The following DDX50 variants were observed in gnomAD, a reference collection of about 807,000 sequenced individuals.
The protein encoded by DDX50 is DExD-box helicase 50, also known as ATP-dependent RNA helicase DDX50.
Under a neutral mutation model 94.8 loss-of-function variants are expected in DDX50, and 56 were observed. The ratio of observed to expected loss-of-function variants is 0.59; its 90% CI spans 0.48 to 0.74. The LOEUF (loss-of-function observed/expected upper bound fraction) is 0.74, where lower values mean the gene tolerates loss of function less well. Among genes scored for constraint, DDX50 ranks in the 30% least tolerant of loss-of-function variants. The pLI is 0.00. For missense variants in DDX50, 713 were observed against 881.2 expected, an observed-to-expected ratio of 0.81 and a Z score of 2.42; for synonymous variants, 264 against 295.4, an observed-to-expected ratio of 0.89 and a Z score of 1.09.
At chr10:68,939,972 G>A (rs1842517991) in intron 12 of DDX50, among the ~76,000 whole-genome samples, 1 of 151,800 alleles carries the variant, frequency 6.6e-6, no homozygotes, top group Admixed American at 6.6e-5. Flanking sequence ...ACATACGTAG[G>A]GCGCACTCAA....
rs931870813 is a variant in DDX50 at position 68,934,970 on chromosome 10, G to T, written c.1521+52G>T. ...TTATTGTCTAAATGGTGCCTTAAAA[G>T]AGAGCTCTTCTTATATTTATTCTTA... On this transcript the variant is annotated intron_variant, in intron 10 of 14. Transcript: ENST00000373585. The surrounding 1 kb of genome is among the most constrained non-coding windows in gnomAD (Gnocchi z 4.0). The T allele has an allele frequency of 5.7e-6, 9 of 1,567,112 alleles. No homozygotes were observed. Among genetic ancestry groups the T allele is most frequent in the Non-Finnish European group, 6.0e-6 (7 of 1,158,280 alleles).
intron 8 of DDX50, among the ~76,000 whole-genome samples, chr10:68,928,847 T>A (rs979556387): frequency 2.0e-5 from 3 of 152,372 alleles, no homozygotes; most frequent in African/African-American, 7.2e-5. Flanking sequence ...CAGAAATTTA[T>A]GTATTATTCT....
rs764056925 is a variant in DDX50 at position 68,913,519 on chromosome 10, T to C, written c.886T>C (p.Leu296=). Residue 296 remains leucine (L), a synonymous_variant, in exon 6 of 15, where the codon TTA becomes CTA. Coordinates refer to ENST00000373585, the MANE Select transcript of DDX50 (RefSeq NM_024045.2). ...TGTGCTTGATGAAGTGGATCAGATG[T>C]TAGATTTAGGTTTCGCTGAACAAGT... is the stretch of plus-strand genomic sequence containing the variant. ...HVVLDEVDQM[L]DLGFAEQVED... is the part of the protein sequence containing the mutation. 6 of 1,614,026 alleles carry C rather than the reference T, an allele frequency of 3.7e-6. No homozygotes were observed. In the South Asian group the frequency reaches 4.4e-5, roughly 12 times the overall value.
rs1842436625 is a variant in DDX50, at chr10:68,936,958, G to A, written c.1618G>A (p.Ala540Thr). The stretch of plus-strand genomic sequence containing the variant: ...TAGGTCTCTGGCTTCCGTTTCTTAC[G>A]CTGCTGTTGATTTTTTCCGACCATC... ...AIRSLASVSY[A>T]AVDFFRPSAQ... The change falls in exon 12 of 15, where the codon GCT (alanine) becomes ACT (threonine). Residue 540 changes from alanine to threonine, a missense_variant. By Grantham distance (58) the Ala-to-Thr change is moderately conservative. Coordinates refer to ENST00000373585, the MANE Select transcript of DDX50 (RefSeq NM_024045.2). 7 of 1,606,870 alleles carry A rather than the reference G, an allele frequency of 4.4e-6. No individual in the cohort carries two copies. The East Asian group carries it at 1.6e-4, about 36-fold the overall frequency.
chr10:68,916,677 A>G (rs1181225580), intron 7 of DDX50, among the ~76,000 whole-genome samples: 2 of 152,160 alleles, frequency 1.3e-5, no homozygotes, highest in African/African-American at 4.8e-5. Flanking sequence ...CATTATCAGT[A>G]GAAGAAAAAC....
At chr10:68,920,947 CAAAA>C (rs11367137) in intron 8 of DDX50, among the ~76,000 whole-genome samples, 5 of 86,126 alleles carry the variant, frequency 5.8e-5, no homozygotes, top group Admixed American at 1.2e-4. Flanking sequence ...GACTCCATCT[CAAAA>C]AAAAAAAAAA....
chr10:68,928,317 A>G (rs1842144026), intron 8 of DDX50, among the ~76,000 whole-genome samples: 2 of 152,146 alleles, frequency 1.3e-5, no homozygotes, highest in Admixed American at 6.5e-5. Context: ...CCCTGTCTCC[A>G]TAATAAATAA....
intron 1 of DDX50, among the ~76,000 whole-genome samples, chr10:68,902,770 C>A (rs1445400418): frequency 6.6e-6 from 1 of 152,230 alleles, no homozygotes; most frequent in Non-Finnish European, 1.5e-5. Context: ...CATCCCAATC[C>A]TGTCCAGCGG....
intron 7 of DDX50, 112 bp from the exon 8 acceptor site, chr10:68,919,720 C>A: frequency 7.6e-7 from 1 of 1,318,328 alleles, no homozygotes; most frequent in East Asian, 2.5e-5. Flanking sequence ...GAGTCTTTGT[C>A]TTACAGTCTC....
intron 8 of DDX50, among the ~76,000 whole-genome samples, chr10:68,928,289 C>G (rs939463076): frequency 6.6e-6 from 1 of 152,044 alleles, no homozygotes; most frequent in Non-Finnish European, 1.5e-5. Flanking sequence ...GCACTCCACC[C>G]TGGGCGACCG....
At chr10:68,942,015 T>G (rs546932744) in intron 13 of DDX50, among the ~76,000 whole-genome samples, 2 of 152,078 alleles carry the variant, frequency 1.3e-5, no homozygotes, top group East Asian at 3.9e-4. Flanking sequence ...CTTGAACTCC[T>G]GAGCTCAAGG....
At chr10:68,936,302 A>G (rs1842404690) in intron 11 of DDX50, among the ~76,000 whole-genome samples, 1 of 150,704 alleles carries the variant, frequency 6.6e-6, no homozygotes, top group African/African-American at 2.4e-5. Flanking sequence ...CCTGGCTAAC[A>G]CGGTGAAACC....
chr10:68,916,318 C>T (rs913721170), intron 7 of DDX50, among the ~76,000 whole-genome samples: 6 of 139,722 alleles, frequency 4.3e-5, no homozygotes, highest in Non-Finnish European at 7.5e-5. Flanking sequence ...TGCGCCACTG[C>T]ACTCCAGCCT....
At chr10:68,917,072 A>G (rs766244601) in intron 7 of DDX50, among the ~76,000 whole-genome samples, 1 of 152,086 alleles carries the variant, frequency 6.6e-6, no homozygotes, top group Non-Finnish European at 1.5e-5. Flanking sequence ...CTGGATCCAA[A>G]TACAATTCTT....
chr10:68,922,173 C>T (rs913821762), intron 8 of DDX50, among the ~76,000 whole-genome samples: 2 of 151,846 alleles, frequency 1.3e-5, no homozygotes, highest in African/African-American at 4.8e-5. Context: ...TTTCCTTATT[C>T]AGTTTTCAAA....
chr10:68,911,649 T>C (rs1841628176), intron 4 of DDX50: 1 of 153,470 alleles, frequency 6.5e-6, no homozygotes, highest in African/African-American at 2.4e-5. Context: ...TACCTTTTTT[T>C]CCCTTTAGTA....
intron 1 of DDX50, among the ~76,000 whole-genome samples, chr10:68,902,603 C>T (rs1253984622): frequency 6.6e-6 from 1 of 152,180 alleles, no homozygotes; most frequent in African/African-American, 2.4e-5. Flanking sequence ...ACTCTGTGCC[C>T]ATTAAACACT....
intron 7 of DDX50, among the ~76,000 whole-genome samples, chr10:68,917,838 C>T (rs527868050): frequency 5.4e-4 from 82 of 152,172 alleles, no homozygotes; most frequent in Non-Finnish European, 9.9e-4. Flanking sequence ...CCTCACCTCA[C>T]GTGATCCACC....
intron 14 of DDX50, among the ~76,000 whole-genome samples, chr10:68,945,573 C>T (rs1842652920): frequency 6.6e-6 from 1 of 152,168 alleles, no homozygotes; most frequent in South Asian, 2.1e-4. Flanking sequence ...TCCCAAAGTG[C>T]TGGGATTACA....
Sources: gnomAD v4.1 joint callset for allele counts (sites outside exome capture counted in the v4.1 genomes callset) on GRCh38, gnomAD v4.1.1 for gene constraint, Gnocchi (gnomAD v3.1) non-coding constraint, MANE v1.5 for transcripts, NCBI Gene and HGNC (gene_info 2026-07-23, HGNC 2026-07-21) for gene names.